The following SPOCK3 variants were observed in gnomAD, a reference collection of about 807,000 sequenced individuals.
The protein encoded by SPOCK3 is testican-3.
Under a neutral mutation model 56.6 loss-of-function variants are expected in SPOCK3, and 30 were observed. That is an observed-to-expected ratio of 0.53 (90% CI 0.40 to 0.72). The LOEUF (loss-of-function observed/expected upper bound fraction) is 0.72, where lower values mean the gene tolerates loss of function less well. Among genes scored for constraint, SPOCK3 ranks in the 30% least tolerant of loss-of-function variants. The pLI is 0.00. For missense variants in SPOCK3, 527 were observed against 530.0 expected (o/e 0.99, Z 0.06); for synonymous variants, 196 against 183.3 (o/e 1.07, Z -0.56).
chr4:166,925,528 A>G (rs1328228137), intron 4 of SPOCK3, among the ~76,000 whole-genome samples: 1 of 152,136 alleles, frequency 6.6e-6, no homozygotes, highest in Non-Finnish European at 1.5e-5. Context: ...TAGCATTATG[A>G]TAAATAATAT....
At chr4:166,755,630 C>G (rs548609446) in intron 7 of SPOCK3, among the ~76,000 whole-genome samples, 14 of 152,122 alleles carry the variant, frequency 9.2e-5, no homozygotes, top group Admixed American at 2.6e-4. Flanking sequence ...AAACTAATAA[C>G]TCAGTTATTT....
chr4:167,019,004 G>T (rs1386528854), intron 3 of SPOCK3, among the ~76,000 whole-genome samples: 1 of 151,974 alleles, frequency 6.6e-6, no homozygotes, highest in African/African-American at 2.4e-5. Flanking sequence ...TGAGCACAAT[G>T]AAGCCATTTG....
chr4:166,982,353 C>A (rs1746676318), intron 4 of SPOCK3, among the ~76,000 whole-genome samples: 1 of 152,142 alleles, frequency 6.6e-6, no homozygotes. Context: ...GTAGAAAAAT[C>A]AGAACACATA....
At chr4:167,155,993 A>C (rs574201325) in intron 2 of SPOCK3, among the ~76,000 whole-genome samples, 1 of 152,304 alleles carries the variant, frequency 6.6e-6, no homozygotes, top group East Asian at 1.9e-4. Context: ...AAATTTAACA[A>C]AAAATTTAAA....
intron 6 of SPOCK3, among the ~76,000 whole-genome samples, chr4:166,797,946 C>G (rs553959366): frequency 6.6e-6 from 1 of 151,976 alleles, no homozygotes; most frequent in African/African-American, 2.4e-5. Context: ...AACAATGTTT[C>G]GGGCAACAAA....
chr4:167,156,743 C>T (rs1252072606), intron 2 of SPOCK3, among the ~76,000 whole-genome samples: 2 of 152,088 alleles, frequency 1.3e-5, no homozygotes, highest in Non-Finnish European at 2.9e-5. Flanking sequence ...TCAGCTATGC[C>T]AATCCCATGG....
chr4:166,988,593 CAAAT>C (rs1747418580), intron 4 of SPOCK3, among the ~76,000 whole-genome samples: 1 of 151,934 alleles, frequency 6.6e-6, no homozygotes, highest in Non-Finnish European at 1.5e-5. Flanking sequence ...AATATAGTAA[CAAAT>C]AAACAGCTGT....
At chr4:166,817,333 C>A (rs1280475378) in intron 6 of SPOCK3, among the ~76,000 whole-genome samples, 2 of 152,014 alleles carry the variant, frequency 1.3e-5, no homozygotes, top group Non-Finnish European at 2.9e-5. Flanking sequence ...ATAAGCAAAC[C>A]TTTTTACTCT....
At chr4:166,960,538 C>G (rs1744028779) in intron 4 of SPOCK3, among the ~76,000 whole-genome samples, 1 of 152,142 alleles carries the variant, frequency 6.6e-6, no homozygotes, top group African/African-American at 2.4e-5. Context: ...TGGAGGACAG[C>G]TACTCAAACT....
intron 2 of SPOCK3, among the ~76,000 whole-genome samples, chr4:167,074,065 A>T (rs1262742282): frequency 4.6e-5 from 7 of 151,764 alleles, no homozygotes; most frequent in Non-Finnish European, 8.8e-5. Flanking sequence ...AAAAAAAAAA[A>T]AAATAGCTAG....
At chr4:166,899,715 C>T (rs1229018140) in intron 5 of SPOCK3, among the ~76,000 whole-genome samples, 1 of 151,888 alleles carries the variant, frequency 6.6e-6, no homozygotes, top group East Asian at 1.9e-4. Context: ...TGGGGTTTCA[C>T]CATATTGGCC....
chr4:167,210,507 A>T (rs956572058), intron 2 of SPOCK3, among the ~76,000 whole-genome samples: 6 of 152,150 alleles, frequency 3.9e-5, no homozygotes, highest in African/African-American at 1.2e-4. Context: ...AAAAACAAAG[A>T]GGTCTTTTCC....
At chr4:167,172,105 C>A (rs960543210) in intron 2 of SPOCK3, among the ~76,000 whole-genome samples, 1 of 152,116 alleles carries the variant, frequency 6.6e-6, no homozygotes, top group Non-Finnish European at 1.5e-5. Flanking sequence ...TCTGTGCAGG[C>A]CAGCCTGGAA....
intron 8 of SPOCK3, among the ~76,000 whole-genome samples, chr4:166,753,230 C>T (rs185244689): frequency 2.0e-5 from 3 of 151,878 alleles, no homozygotes; most frequent in African/African-American, 7.2e-5. Flanking sequence ...CGTTTGTCAT[C>T]ATAAGAAAAG....
intron 6 of SPOCK3, among the ~76,000 whole-genome samples, chr4:166,885,117 G>C (rs985099878): frequency 2.0e-5 from 3 of 151,682 alleles, no homozygotes; most frequent in Non-Finnish European, 4.4e-5. Flanking sequence ...ACTAAATTCA[G>C]AATAATCTTA....
intron 2 of SPOCK3, among the ~76,000 whole-genome samples, chr4:167,069,171 G>A (rs1316182476): frequency 2.0e-5 from 3 of 151,856 alleles, no homozygotes; most frequent in African/African-American, 7.3e-5. Flanking sequence ...AATAGCATAT[G>A]GTTTTATGAC....
At chr4:167,034,099 C>T (rs1030339175) in intron 3 of SPOCK3, among the ~76,000 whole-genome samples, 2 of 151,882 alleles carry the variant, frequency 1.3e-5, no homozygotes. Context: ...AAGAATCTGA[C>T]TATTGGAATT....
intron 2 of SPOCK3, among the ~76,000 whole-genome samples, chr4:167,109,372 ATT>A: frequency 1.2e-4 from 3 of 25,872 alleles, no homozygotes; most frequent in Admixed American, 1.0e-3. Context: ...TTATATATAT[ATT>A]TATATAAAAT....
intron 2 of SPOCK3, among the ~76,000 whole-genome samples, chr4:167,172,018 G>A (rs914045419): frequency 6.6e-6 from 1 of 152,050 alleles, no homozygotes; most frequent in Non-Finnish European, 1.5e-5. Context: ...AACTTAACTG[G>A]GTTTTAAGAA....
Sources: gnomAD v4.1 joint callset for allele counts (sites outside exome capture counted in the v4.1 genomes callset) on GRCh38, gnomAD v4.1.1 for gene constraint, MANE v1.5 for transcripts, NCBI Gene and HGNC (gene_info 2026-07-23, HGNC 2026-07-21) for gene names.